Variants in ITPR2 observed in about 807,000 individuals in gnomAD.
The protein encoded by ITPR2 is inositol 1,4,5-trisphosphate receptor type 2.
ITPR2 carries 207 observed loss-of-function variants against 317.1 expected under a neutral mutation model. That is an observed-to-expected ratio of 0.65 (90% CI 0.58 to 0.73). ITPR2 has a LOEUF of 0.73. Among genes scored for constraint, ITPR2 ranks in the 30% least tolerant of loss-of-function variants. The pLI is 0.00. For synonymous variants in ITPR2, 1,156 were observed against 1,149.1 expected (o/e 1.01, Z -0.12); for missense variants, 2,613 against 3,284.0 (o/e 0.80, Z 4.99).
chr12:26,510,766 T>C (rs1247023083), intron 37 of ITPR2, among the ~76,000 whole-genome samples: 1 of 152,228 alleles, frequency 6.6e-6, no homozygotes, highest in Non-Finnish European at 1.5e-5. Context: ...TTCACAAATG[T>C]CATCTCATTT....
intron 13 of ITPR2, among the ~76,000 whole-genome samples, chr12:26,675,001 C>T (rs1214893456): frequency 6.6e-6 from 1 of 152,170 alleles, no homozygotes; most frequent in Admixed American, 6.6e-5. Flanking sequence ...AATGAGATAT[C>T]ATCTCACACC....
intron 22 of ITPR2, among the ~76,000 whole-genome samples, chr12:26,629,580 T>A (rs974556534): frequency 3.8e-5 from 5 of 130,006 alleles, no homozygotes; most frequent in Non-Finnish European, 7.8e-5. Flanking sequence ...AGCAAGACCC[T>A]GTCTCAAAAA....
In ITPR2 at chr12:26,785,434, G is replaced by A. The variant is rs1174111720; in HGVS notation, c.163+4723C>T. ...GCCCCGTCCAGGAGGGAGGTGGGGG[G>A]GTCAGCCCCCTGCCCGGCCGGCCGC... On this transcript the variant is annotated intron_variant, in intron 2 of 56. Coordinates refer to ENST00000381340, the MANE Select transcript of ITPR2 (RefSeq NM_002223.4). 2.3e-5 allele frequency among the ~76,000 whole-genome samples: 2 copies of A among 87,026 alleles called. 1 individual carries two copies. The highest frequency in any genetic ancestry group is 6.9e-5 in the African/African-American group (2 of 28,804). 57.1% of individuals were successfully genotyped at this position (87,026 alleles called of 152,430 possible).
At chr12:26,671,383 G>T (rs1176644479) in intron 13 of ITPR2, among the ~76,000 whole-genome samples, 3 of 152,088 alleles carry the variant, frequency 2.0e-5, no homozygotes, top group Non-Finnish European at 2.9e-5. Flanking sequence ...GAAGACAGTG[G>T]GGGCCAATAT....
intron 35 of ITPR2, among the ~76,000 whole-genome samples, 185 bp from the exon 36 acceptor site, chr12:26,556,560 T>TG (rs1555155115): frequency 1.4e-3 from 94 of 65,030 alleles, no homozygotes; most frequent in African/African-American, 4.1e-3. Context: ...GTCTCTATTT[T>TG]TTTTTTTGTG....
At chr12:26,580,625 G>C (rs556851426) in intron 32 of ITPR2, among the ~76,000 whole-genome samples, 61 of 152,290 alleles carry the variant, frequency 4.0e-4, no homozygotes, top group African/African-American at 1.5e-3. Context: ...AGCATCTGGA[G>C]AGGAAAACAG....
At chr12:26,782,070 A>AGAGAGAGAGAGAGC (rs1332997577) in intron 2 of ITPR2, among the ~76,000 whole-genome samples, 20 of 122,608 alleles carry the variant, frequency 1.6e-4, no homozygotes, top group African/African-American at 2.8e-4. Flanking sequence ...AGAGAGAGAG[A>AGAGAGAGAGAGAGC]GAGCGAGAGA....
intron 1 of ITPR2, among the ~76,000 whole-genome samples, chr12:26,812,279 T>G (rs996995475): frequency 6.6e-6 from 1 of 151,580 alleles, no homozygotes; most frequent in Admixed American, 6.6e-5. Flanking sequence ...TTTACCATTT[T>G]AAAAAAAACC....
At chr12:26,559,057 A>G (rs2137023443) in intron 35 of ITPR2, among the ~76,000 whole-genome samples, 1 of 152,300 alleles carries the variant, frequency 6.6e-6, no homozygotes, top group East Asian at 1.9e-4. Flanking sequence ...TACAAAATTA[A>G]TACACTTCTC....
intron 37 of ITPR2, among the ~76,000 whole-genome samples, chr12:26,506,090 T>C (rs1033318772): frequency 5.3e-5 from 8 of 151,924 alleles, no homozygotes; most frequent in Non-Finnish European, 1.0e-4. Flanking sequence ...AAATATTACA[T>C]TGTATTACTG....
At chr12:26,741,823 T>A (rs1949233746) in intron 2 of ITPR2, among the ~76,000 whole-genome samples, 1 of 152,294 alleles carries the variant, frequency 6.6e-6, no homozygotes, top group South Asian at 2.1e-4. Flanking sequence ...TTATAAATCA[T>A]CTTAGGCTCT....
intron 49 of ITPR2, 35 bp downstream of exon 49, chr12:26,427,878 T>C: frequency 3.0e-6 from 4 of 1,350,326 alleles, no homozygotes; most frequent in Non-Finnish European, 3.9e-6. Context: ...TTTAAACTAA[T>C]TCTGTAACAG....
intron 1 of ITPR2, among the ~76,000 whole-genome samples, chr12:26,795,835 A>T (rs1386061451): frequency 6.6e-6 from 1 of 152,120 alleles, no homozygotes; most frequent in African/African-American, 2.4e-5. Context: ...AAATACAAAA[A>T]TTAGCAGGGC....
chr12:26,758,496 G>C (rs1486438377), intron 2 of ITPR2, among the ~76,000 whole-genome samples: 1 of 152,118 alleles, frequency 6.6e-6, no homozygotes, highest in Non-Finnish European at 1.5e-5. Context: ...CCATTCCATG[G>C]TCTTTCTAGC....
At chr12:26,778,095 C>T (rs563529603) in intron 2 of ITPR2, among the ~76,000 whole-genome samples, 58 of 152,180 alleles carry the variant, frequency 3.8e-4, no homozygotes, top group Non-Finnish European at 6.8e-4. Context: ...CATTTTCCCA[C>T]TGCCAGAATG....
At chr12:26,704,259 A>G (rs1948509121) in intron 9 of ITPR2, among the ~76,000 whole-genome samples, 1 of 152,248 alleles carries the variant, frequency 6.6e-6, no homozygotes, top group Non-Finnish European at 1.5e-5. Flanking sequence ...TAAAAGCAAT[A>G]TATGTTAAAA....
At chr12:26,565,410 C>T (rs1305166307) in intron 34 of ITPR2, among the ~76,000 whole-genome samples, 3 of 150,932 alleles carry the variant, frequency 2.0e-5, no homozygotes, top group African/African-American at 7.3e-5. Context: ...ATGATAGTCC[C>T]CAGAAGGCTT....
chr12:26,474,734 C>A (rs1316396194), intron 45 of ITPR2, among the ~76,000 whole-genome samples: 2 of 133,386 alleles, frequency 1.5e-5, no homozygotes, highest in Non-Finnish European at 3.1e-5. Flanking sequence ...GCGGAGCTTG[C>A]AGTGAGCCGA....
intron 43 of ITPR2, among the ~76,000 whole-genome samples, chr12:26,479,979 T>C (rs931107682): frequency 1.3e-5 from 2 of 152,182 alleles, no homozygotes; most frequent in Non-Finnish European, 2.9e-5. Context: ...CGTAAACATA[T>C]GTACTTTCCA....
Sources: gnomAD v4.1 joint callset for allele counts (sites outside exome capture counted in the v4.1 genomes callset) on GRCh38, gnomAD v4.1.1 for gene constraint, MANE v1.5 for transcripts, NCBI Gene and HGNC (gene_info 2026-07-23, HGNC 2026-07-21) for gene names.